The following ANO2 variants were observed in gnomAD, a reference collection of about 807,000 sequenced individuals.
ANO2 encodes anoctamin-2.
ANO2 carries 101 observed loss-of-function variants against 124.2 expected under a neutral mutation model. That is an observed-to-expected ratio of 0.81 (90% CI 0.69 to 0.96). The LOEUF (loss-of-function observed/expected upper bound fraction) is 0.96. Ranked by LOEUF, ANO2 falls within the 40% of genes least tolerant of loss-of-function variation. ANO2 has a pLI of 0.00. For missense variants in ANO2, 1,293 were observed against 1,274.5 expected (o/e 1.01, Z -0.22); for synonymous variants, 486 against 482.5 (o/e 1.01, Z -0.09).
intron 1 of ANO2, among the ~76,000 whole-genome samples, chr12:5,930,580 G>A (rs1229145308): frequency 1.3e-5 from 2 of 152,094 alleles, no homozygotes; most frequent in African/African-American, 4.8e-5. Flanking sequence ...GAGAGACCTG[G>A]GTGCTTTCAG....
chr12:5,878,490 A>G (rs1452096351), intron 3 of ANO2, among the ~76,000 whole-genome samples: 2 of 152,236 alleles, frequency 1.3e-5, no homozygotes, highest in African/African-American at 2.4e-5. Flanking sequence ...AAAACACTTG[A>G]TAAATTCATT....
intron 3 of ANO2, among the ~76,000 whole-genome samples, chr12:5,899,539 C>T (rs1015827192): frequency 1.3e-5 from 2 of 152,232 alleles, no homozygotes; most frequent in African/African-American, 4.8e-5. Context: ...ACAATTGCTA[C>T]TTCACAACAA....
intron 3 of ANO2, among the ~76,000 whole-genome samples, chr12:5,914,561 C>T (rs184129643): frequency 1.4e-3 from 214 of 152,288 alleles, no homozygotes; most frequent in African/African-American, 3.8e-3. Flanking sequence ...AAGAACAGCC[C>T]GTAGACCTGC....
upstream of ANO2, among the ~76,000 whole-genome samples, chr12:5,945,436 C>G (rs1402005618): frequency 6.6e-6 from 1 of 152,086 alleles, no homozygotes; most frequent in Non-Finnish European, 1.5e-5. Flanking sequence ...GGGAGCGGGG[C>G]GTCGAGAATG....
At chr12:5,634,898 C>T (rs912176512) in intron 16 of ANO2, among the ~76,000 whole-genome samples, 1 of 130,540 alleles carries the variant, frequency 7.7e-6, no homozygotes, top group East Asian at 1.9e-4. Flanking sequence ...TAGTGAGTGC[C>T]CTGTCACATG....
chr12:5,647,334 A>C (rs1413694842), intron 15 of ANO2, among the ~76,000 whole-genome samples: 1 of 152,226 alleles, frequency 6.6e-6, no homozygotes, highest in Non-Finnish European at 1.5e-5. Context: ...CAGCAACTAC[A>C]GGAAAGCGGA....
chr12:5,593,538 A>G (rs1943512695), intron 20 of ANO2, among the ~76,000 whole-genome samples: 1 of 152,224 alleles, frequency 6.6e-6, no homozygotes, highest in African/African-American at 2.4e-5. Flanking sequence ...ATTAGGGCAC[A>G]GCCTACACTC....
intron 14 of ANO2, among the ~76,000 whole-genome samples, chr12:5,656,080 G>A (rs1235926100): frequency 6.6e-6 from 1 of 152,014 alleles, no homozygotes; most frequent in East Asian, 1.9e-4. Flanking sequence ...CAGATGATAA[G>A]GAAGTGGATG....
At chr12:5,733,081 G>C (rs760319966) in intron 13 of ANO2, 1 of 628,784 alleles carries the variant, frequency 1.6e-6, no homozygotes, top group South Asian at 1.9e-5. Flanking sequence ...CCACAGCTGG[G>C]AGTGAGGGCA....
intron 16 of ANO2, among the ~76,000 whole-genome samples, chr12:5,631,477 C>T (rs1945715546): frequency 6.6e-6 from 1 of 152,202 alleles, no homozygotes; most frequent in South Asian, 2.1e-4. Flanking sequence ...GTCCATCTTT[C>T]CCTGGTCACA....
At chr12:5,565,361 A>G (rs2136819308) in intron 24 of ANO2, among the ~76,000 whole-genome samples, 197 bp downstream of exon 24, 1 of 152,124 alleles carries the variant, frequency 6.6e-6, no homozygotes, top group South Asian at 2.1e-4. Flanking sequence ...TGCAAAGTCC[A>G]CCCATTAAAG....
intron 3 of ANO2, among the ~76,000 whole-genome samples, chr12:5,855,904 G>C (rs1591703363): frequency 6.6e-6 from 1 of 152,322 alleles, no homozygotes; most frequent in East Asian, 1.9e-4. Context: ...TCCAAGGGTT[G>C]ATAAGGAACC....
chr12:5,741,693 T>G (rs1478364158), intron 12 of ANO2, among the ~76,000 whole-genome samples: 1 of 152,268 alleles, frequency 6.6e-6, no homozygotes, highest in Non-Finnish European at 1.5e-5. Context: ...GGTGCTCATC[T>G]GTGCCAGGCA....
At chr12:5,865,929 G>A (rs1377243749) in intron 3 of ANO2, among the ~76,000 whole-genome samples, 2 of 152,178 alleles carry the variant, frequency 1.3e-5, no homozygotes, top group East Asian at 1.9e-4. Context: ...GGGACAGGAC[G>A]ACAATGAACG....
intron 7 of ANO2, among the ~76,000 whole-genome samples, chr12:5,813,247 A>AGTG (rs1325067820): frequency 6.6e-6 from 1 of 152,210 alleles, no homozygotes; most frequent in Non-Finnish European, 1.5e-5. Context: ...TCAGAACCCC[A>AGTG]GTGGTCAAAT....
chr12:5,822,189 A>G (rs1342277393), intron 7 of ANO2, among the ~76,000 whole-genome samples: 2 of 152,172 alleles, frequency 1.3e-5, no homozygotes, highest in African/African-American at 2.4e-5. Flanking sequence ...CAGATGTGCA[A>G]TTATATACTG....
chr12:5,837,321 T>A, intron 4 of ANO2, among the ~76,000 whole-genome samples: 1 of 60,358 alleles, frequency 1.7e-5, no homozygotes, highest in African/African-American at 5.5e-5. Flanking sequence ...TTATGATTCC[T>A]GCCTTTTTTT....
chr12:5,909,801 C>T (rs1940938853), intron 3 of ANO2, among the ~76,000 whole-genome samples: 1 of 152,168 alleles, frequency 6.6e-6, no homozygotes, highest in African/African-American at 2.4e-5. Flanking sequence ...CATACAGCAG[C>T]CAGGCAGGAC....
intron 1 of ANO2, among the ~76,000 whole-genome samples, chr12:5,924,472 G>C (rs1352974479): frequency 6.6e-6 from 1 of 152,206 alleles, no homozygotes; most frequent in Non-Finnish European, 1.5e-5. Flanking sequence ...CTTCTGAAAG[G>C]CCAGGAGGCA....
Sources: gnomAD v4.1 joint callset for allele counts (sites outside exome capture counted in the v4.1 genomes callset) on GRCh38, gnomAD v4.1.1 for gene constraint, MANE v1.5 for transcripts, NCBI Gene and HGNC (gene_info 2026-07-23, HGNC 2026-07-21) for gene names.